PEX5L: variants seen among roughly 807,000 people sequenced by gnomAD.
PEX5L encodes peroxisomal biogenesis factor 5 like, also known as PEX5-related protein.
Under a neutral mutation model 84.0 loss-of-function variants are expected in PEX5L, and 30 were observed. That is an observed-to-expected ratio of 0.36 (90% CI 0.27 to 0.48). The LOEUF (loss-of-function observed/expected upper bound fraction) is 0.48. Among genes scored for constraint, PEX5L ranks in the 20% least tolerant of loss-of-function variants. The pLI, the probability that PEX5L is intolerant of heterozygous loss-of-function variation, is 0.99. For missense variants in PEX5L, 533 were observed against 754.6 expected (o/e 0.71, Z 3.44); for synonymous variants, 270 against 283.1 (o/e 0.95, Z 0.46).
At chr3:179,919,439 A>G (rs1490688874) in intron 2 of PEX5L, among the ~76,000 whole-genome samples, 1 of 152,124 alleles carries the variant, frequency 6.6e-6, no homozygotes, top group Non-Finnish European at 1.5e-5. Flanking sequence ...CATTTTGGCA[A>G]ATGACTAGGG....
chr3:180,031,441 A>G (rs140195943), intron 1 of PEX5L, among the ~76,000 whole-genome samples: 2 of 152,204 alleles, frequency 1.3e-5, no homozygotes, highest in Admixed American at 6.5e-5. Flanking sequence ...TTCATGCAAT[A>G]GTTCAAGATG....
chr3:180,003,796 G>T (rs1788630250), intron 1 of PEX5L, among the ~76,000 whole-genome samples: 1 of 152,106 alleles, frequency 6.6e-6, no homozygotes, highest in South Asian at 2.1e-4. Context: ...GCTTCCGTTG[G>T]CTACTAAGGT....
intron 2 of PEX5L, among the ~76,000 whole-genome samples, chr3:179,936,590 AAACCTT>A (rs1774696590): frequency 2.7e-5 from 1 of 36,624 alleles, no homozygotes; most frequent in African/African-American, 1.0e-4. Flanking sequence ...CTTTCCAGAT[AAACCTT>A]CAATTTGTAA....
chr3:179,900,833 T>TTGTAAAACAGTGAC, intron 2 of PEX5L: 1 of 753,134 alleles, frequency 1.3e-6, no homozygotes, highest in Non-Finnish European at 2.3e-6. Flanking sequence ...TGAGCGTCAC[T>TTGTAAAACAGTGAC]GTTTTACAAG....
In PEX5L at chr3:179,945,020, T is replaced by C. The variant is rs184280191; in HGVS notation, c.93+26574A>G. ...GCTGATTTCAAAGTTACATTTGAAATGAGAAAAGCTGTGCAATGCTTGCAC... is the reference window on the plus strand; with the variant it reads ...GCTGATTTCAAAGTTACATTTGAAACGAGAAAAGCTGTGCAATGCTTGCAC... On this transcript the variant is annotated intron_variant, in intron 2 of 14. Transcript: ENST00000467460. Among the ~76,000 whole-genome samples, 3 of 152,362 alleles carry C rather than the reference T, an allele frequency of 2.0e-5. No homozygotes were observed. In the East Asian group the frequency reaches 5.8e-4, roughly 29 times the overall value.
chr3:179,937,074 T>A (rs1010200831), intron 2 of PEX5L, among the ~76,000 whole-genome samples: 1 of 152,132 alleles, frequency 6.6e-6, no homozygotes, highest in Non-Finnish European at 1.5e-5. Flanking sequence ...CCCTCATATA[T>A]ATATATATAC....
At chr3:180,022,636 G>A (rs2110512474) in intron 1 of PEX5L, among the ~76,000 whole-genome samples, 1 of 152,310 alleles carries the variant, frequency 6.6e-6, no homozygotes, top group African/African-American at 2.4e-5. Context: ...AATTTTGAGT[G>A]GGGATATTTC....
rs1190459550 is a variant in PEX5L, at chr3:179,908,465, T to C, written c.94-10219A>G. ...TTCTCTCTAAACTTCTGTTTTATCT[T>C]TTTTTATTTTATTATTGTTATACTT... is the stretch of plus-strand genomic sequence containing the variant. On this transcript the variant is annotated intron_variant, in intron 2 of 14. Transcript: ENST00000467460. 1.1e-4 allele frequency among the ~76,000 whole-genome samples: 16 copies of C among 152,328 alleles called. 1 individual carries two copies. The highest frequency in any genetic ancestry group is 3.8e-4 in the African/African-American group (16 of 41,566).
chr3:180,003,136 C>A (rs145615814), intron 1 of PEX5L, among the ~76,000 whole-genome samples: 1,562 of 152,242 alleles, frequency 0.01, 13 homozygotes, highest in South Asian at 0.034. Flanking sequence ...ACTTCAAATA[C>A]CCTATTGAGA....
rs543923455 is a variant in PEX5L at position 179,814,062 on chromosome 3, C to T, written c.1083+1799G>A. ...TCTCGAACTCCTGGCTTGAACTGAT[C>T]CTCCCGCCTTAGCCTCCCAAAGTGC... On this transcript the variant is annotated intron_variant, in intron 10 of 14. Coordinates refer to ENST00000467460, the MANE Select transcript of PEX5L (RefSeq NM_016559.3). Among the ~76,000 whole-genome samples the T allele has an allele frequency of 3.3e-5, 5 of 151,094 alleles. No homozygotes were observed. The South Asian group carries it at 1.1e-3, about 32-fold the overall frequency.
At chr3:180,002,654 A>G (rs1454742178) in intron 1 of PEX5L, among the ~76,000 whole-genome samples, 2 of 151,978 alleles carry the variant, frequency 1.3e-5, no homozygotes, top group Admixed American at 1.3e-4. Flanking sequence ...CCAAACCTGT[A>G]TTTTTCTATC....
At chr3:180,006,955 C>G (rs1788957749) in intron 1 of PEX5L, among the ~76,000 whole-genome samples, 2 of 152,102 alleles carry the variant, frequency 1.3e-5, no homozygotes, top group Non-Finnish European at 2.9e-5. Flanking sequence ...AATCTCATGT[C>G]CTTACATTTC....
At chr3:179,946,378 G>A (rs1267541302) in intron 2 of PEX5L, among the ~76,000 whole-genome samples, 2 of 152,090 alleles carry the variant, frequency 1.3e-5, no homozygotes, top group South Asian at 2.1e-4. Flanking sequence ...CAGGACACAG[G>A]GCAGGGTCTA....
At chr3:180,030,193 C>A (rs1444820440) in intron 1 of PEX5L, among the ~76,000 whole-genome samples, 3 of 152,230 alleles carry the variant, frequency 2.0e-5, no homozygotes, top group Middle Eastern at 3.4e-3. Flanking sequence ...CTCACATATA[C>A]CTAGTGTGAG....
intron 2 of PEX5L, among the ~76,000 whole-genome samples, chr3:179,923,897 T>C (rs1177044707): frequency 2.0e-5 from 3 of 152,232 alleles, no homozygotes; most frequent in Non-Finnish European, 2.9e-5. Context: ...ACGAGAGTTA[T>C]TGACCTTGTT....
At chr3:179,818,449 C>T (rs1264489028) in intron 9 of PEX5L, among the ~76,000 whole-genome samples, 1 of 152,024 alleles carries the variant, frequency 6.6e-6, no homozygotes, top group Non-Finnish European at 1.5e-5. Flanking sequence ...TATAAAGAAT[C>T]CAATTATACT....
intron 1 of PEX5L, 22 bp from the exon 2 acceptor site, chr3:179,971,687 A>G: frequency 6.3e-7 from 1 of 1,578,496 alleles, no homozygotes; most frequent in South Asian, 1.2e-5. Context: ...ATAATTTTAA[A>G]TGATCATTTA....
At chr3:179,985,828 G>A (rs546908774) in intron 1 of PEX5L, among the ~76,000 whole-genome samples, 3 of 152,034 alleles carry the variant, frequency 2.0e-5, no homozygotes, top group Admixed American at 6.5e-5. Context: ...TTTTGGGTGC[G>A]CACGAGGAAA....
intron 5 of PEX5L, 88 bp from the exon 6 acceptor site, chr3:179,875,565 G>A (rs1044285768): frequency 8.9e-6 from 8 of 899,344 alleles, no homozygotes; most frequent in East Asian, 2.5e-5. Context: ...AGGGTGGAGC[G>A]TGTGGTGCAG....
Sources: gnomAD v4.1 joint callset for allele counts (sites outside exome capture counted in the v4.1 genomes callset) on GRCh38, gnomAD v4.1.1 for gene constraint, MANE v1.5 for transcripts, NCBI Gene and HGNC (gene_info 2026-07-23, HGNC 2026-07-21) for gene names.